NCAM1: variants seen among roughly 807,000 people sequenced by gnomAD.
The protein encoded by NCAM1 is neural cell adhesion molecule 1.
In NCAM1, 14 loss-of-function variants were observed where a neutral mutation model predicts 109.8. The ratio of observed to expected loss-of-function variants is 0.13; its 90% CI spans 0.08 to 0.20. NCAM1 has a LOEUF of 0.20. Ranked by LOEUF, NCAM1 falls within the 10% of genes least tolerant of loss-of-function variation. NCAM1 has a pLI of 1.00. For missense variants in NCAM1, 774 were observed against 1,109.9 expected (o/e 0.70, Z 4.30); for synonymous variants, 418 against 442.9 (o/e 0.94, Z 0.70).
intron 7 of NCAM1, among the ~76,000 whole-genome samples, chr11:113,209,075 G>A (rs974607031): frequency 2.6e-5 from 4 of 152,206 alleles, no homozygotes; most frequent in African/African-American, 7.2e-5. Context: ...TAACCTAATG[G>A]CCCTCAAGTC....
At chr11:113,234,789 C>A (rs1945114027) in intron 13 of NCAM1, among the ~76,000 whole-genome samples, 1 of 152,166 alleles carries the variant, frequency 6.6e-6, no homozygotes, top group Admixed American at 6.5e-5. Context: ...GGTCTGCCAT[C>A]TGTATCTGTC....
chr11:113,103,299 T>G (rs1294905802), intron 1 of NCAM1, among the ~76,000 whole-genome samples: 2 of 152,224 alleles, frequency 1.3e-5, no homozygotes, highest in Non-Finnish European at 2.9e-5. Context: ...CTGGATGAGT[T>G]TGTGACTTGA....
intron 1 of NCAM1, among the ~76,000 whole-genome samples, chr11:113,091,616 G>C (rs1488364538): frequency 6.6e-6 from 1 of 152,206 alleles, no homozygotes; most frequent in African/African-American, 2.4e-5. Context: ...GGTTGATGCT[G>C]AGGACAGTAA....
intron 1 of NCAM1, among the ~76,000 whole-genome samples, chr11:113,024,294 G>A (rs1055627091): frequency 5.9e-5 from 9 of 152,190 alleles, no homozygotes; most frequent in Non-Finnish European, 1.2e-4. Context: ...GAACTTTAGC[G>A]AAAATTTGGA....
intron 1 of NCAM1, among the ~76,000 whole-genome samples, chr11:113,041,828 T>C (rs3802851): frequency 0.27 from 40,536 of 151,922 alleles, 5,608 homozygotes; most frequent in South Asian, 0.47. Flanking sequence ...TCCCCACTCT[T>C]CCCCAGAAAC....
At chr11:113,247,778 G>A (rs567125827) in intron 15 of NCAM1, among the ~76,000 whole-genome samples, 6 of 152,288 alleles carry the variant, frequency 3.9e-5, no homozygotes, top group African/African-American at 1.4e-4. Flanking sequence ...TGAATATGCA[G>A]GTCTTAGGGC....
chr11:112,971,228 C>A (rs1419405183), intron 1 of NCAM1, among the ~76,000 whole-genome samples: 5 of 146,230 alleles, frequency 3.4e-5, no homozygotes, highest in African/African-American at 1.2e-4. Context: ...ACTTCAATTT[C>A]TCTCTCTCTC....
At chr11:113,165,329 T>C (rs1227459664) in intron 1 of NCAM1, among the ~76,000 whole-genome samples, 3 of 152,214 alleles carry the variant, frequency 2.0e-5, no homozygotes, top group African/African-American at 7.2e-5. Flanking sequence ...TTCAAAAAGA[T>C]AATTTCTAAG....
chr11:113,099,975 C>T (rs1555091216), intron 1 of NCAM1, among the ~76,000 whole-genome samples: 2 of 152,160 alleles, frequency 1.3e-5, no homozygotes, highest in East Asian at 1.9e-4. Flanking sequence ...TGTGAACCAC[C>T]GCTCCCAGCC....
At chr11:113,026,643 T>C (rs1591260861) in intron 1 of NCAM1, among the ~76,000 whole-genome samples, 1 of 152,134 alleles carries the variant, frequency 6.6e-6, no homozygotes, top group East Asian at 1.9e-4. Context: ...AAATATTTTG[T>C]ATGGGAGAAA....
rs573406993 is a variant in NCAM1, at chr11:113,213,578, C to T, written c.917-791C>T. ...TCCCAGTCGTTGAGACTCCAAGTCACCTGGACTCCTTCTTATTGCTTCTTT... is the reference window on the plus strand; with the variant it reads ...TCCCAGTCGTTGAGACTCCAAGTCATCTGGACTCCTTCTTATTGCTTCTTT... On this transcript the variant is annotated intron_variant, in intron 7 of 19. Coordinates refer to ENST00000316851, the MANE Select transcript of NCAM1 (RefSeq NM_181351.5). Among the ~76,000 whole-genome samples the T allele has an allele frequency of 2.6e-5, 4 of 152,302 alleles. No individual in the cohort carries two copies. The East Asian group carries it at 7.7e-4, about 29-fold the overall frequency.
In NCAM1 at chr11:113,273,263, C is replaced by T. The variant is rs1946327321; in HGVS notation, c.2456+1387C>T. 4 of 357,256 alleles carry T rather than the reference C, an allele frequency of 1.1e-5. 1 individual carries two copies. Among genetic ancestry groups the T allele is most frequent in the South Asian group, 6.2e-5 (3 of 48,298 alleles). 22.1% of individuals were successfully genotyped at this position (357,256 alleles called of 1,614,324 possible). ...CCGCTAGCAATTTGTCTTCTAGTGT[C>T]CTGGCTAACCAAGGGGCTGTCCTCA... On this transcript the variant is annotated intron_variant, in intron 19 of 19. Coordinates refer to ENST00000316851, the MANE Select transcript of NCAM1 (RefSeq NM_181351.5). The surrounding 1 kb of genome is among the most constrained non-coding windows in gnomAD (Gnocchi z 6.0).
intron 1 of NCAM1, among the ~76,000 whole-genome samples, chr11:113,031,563 G>A (rs746049431): frequency 1.8e-4 from 28 of 152,050 alleles, no homozygotes; most frequent in Non-Finnish European, 2.4e-4. Flanking sequence ...GTGGTGGCAG[G>A]CTCCTGTAAT....
intron 1 of NCAM1, among the ~76,000 whole-genome samples, chr11:113,162,783 A>G (rs552660706): frequency 6.6e-6 from 1 of 152,276 alleles, no homozygotes; most frequent in South Asian, 2.1e-4. Flanking sequence ...CAGTGGGCAG[A>G]CCACAAGACA....
rs34687568 is a variant in NCAM1 at position 113,216,146 on chromosome 11, A to ATTTT, written c.1059+1654_1059+1657dup. 3.6e-3 allele frequency among the ~76,000 whole-genome samples: 369 copies of ATTTT among 101,478 alleles called. 10 individuals are homozygous for ATTTT. Among genetic ancestry groups the ATTTT allele is most frequent in the South Asian group, 9.6e-3 (28 of 2,916 alleles). The allele number at this position is 101,478 out of a possible 152,430, so 66.6% of individuals were successfully genotyped here. ...ACTTCTGGCTTGTAGCTATGATTTC[A>ATTTT]TTTTTTTTTTTTTTTTTTTTTTGAG... On this transcript the variant is annotated intron_variant, in intron 8 of 19. Coordinates refer to ENST00000316851, the MANE Select transcript of NCAM1 (RefSeq NM_181351.5).
intron 1 of NCAM1, among the ~76,000 whole-genome samples, chr11:113,194,828 T>C (rs1555110535): frequency 2.6e-5 from 4 of 152,240 alleles, no homozygotes; most frequent in African/African-American, 9.6e-5. Flanking sequence ...GTGGCGACTT[T>C]AGACAGCATT....
Position 113,237,891 on chromosome 11 carries a change from G to GAT in NCAM1, c.1825+2731_1825+2732dup, listed in dbSNP as rs1362698578. Among the ~76,000 whole-genome samples, 87 of 31,382 alleles carry GAT rather than the reference G, an allele frequency of 2.8e-3. 1 individual carries two copies. Among genetic ancestry groups the GAT allele is most frequent in the South Asian group, 0.019 (9 of 468 alleles). 20.6% of individuals were successfully genotyped at this position (31,382 alleles called of 152,430 possible). On this transcript the variant is annotated intron_variant, in intron 14 of 19. Coordinates refer to ENST00000316851, the MANE Select transcript of NCAM1 (RefSeq NM_181351.5). ...ATATATAGATATATATAGATATATA[G>GAT]ATATAGATATATAGATATATATAGA...
intron 1 of NCAM1, among the ~76,000 whole-genome samples, chr11:113,025,418 C>G (rs79041662): frequency 0.01 from 1,531 of 152,194 alleles, 25 homozygotes; most frequent in African/African-American, 0.034. Context: ...TGCTGGGTTA[C>G]AGTGGTAACC....
chr11:113,077,354 C>G (rs1938574385), intron 1 of NCAM1, among the ~76,000 whole-genome samples: 1 of 152,112 alleles, frequency 6.6e-6, no homozygotes, highest in South Asian at 2.1e-4. Context: ...AAGAGCAAGC[C>G]AAGAAGTTCT....
Sources: allele counts gnomAD v4.1 joint callset (sites outside exome capture counted in the v4.1 genomes callset), GRCh38; gene constraint gnomAD v4.1.1; non-coding constraint Gnocchi (gnomAD v3.1); transcripts MANE v1.5; gene names NCBI Gene and HGNC (gene_info 2026-07-23, HGNC 2026-07-21).